The following DIP2C variants were observed in gnomAD, a reference collection of about 807,000 sequenced individuals.
DIP2C encodes disco-interacting protein 2 homolog C.
DIP2C carries 33 observed loss-of-function variants against 192.4 expected under a neutral mutation model. The ratio of observed to expected loss-of-function variants is 0.17; its 90% CI spans 0.13 to 0.23. The LOEUF is 0.23. DIP2C is among the 10% of genes least tolerant of loss of function. DIP2C has a pLI of 1.00. For synonymous variants in DIP2C, 979 were observed against 864.1 expected, an observed-to-expected ratio of 1.13 and a Z score of -2.33; for missense variants, 1,537 against 2,110.1, an observed-to-expected ratio of 0.73 and a Z score of 5.32.
intron 1 of DIP2C, among the ~76,000 whole-genome samples, chr10:543,172 G>C (rs549438233): frequency 6.6e-6 from 1 of 152,192 alleles, no homozygotes; most frequent in African/African-American, 2.4e-5. Context: ...CGCAAGGATC[G>C]TGTTCCTGAA....
chr10:374,246 C>T (rs1433018551), intron 17 of DIP2C, among the ~76,000 whole-genome samples: 2 of 152,116 alleles, frequency 1.3e-5, no homozygotes, highest in Admixed American at 1.3e-4. Context: ...CTGTAATATA[C>T]ATACCTAGAA....
At chr10:446,943 T>C (rs796232469) in intron 3 of DIP2C, among the ~76,000 whole-genome samples, 14 of 152,372 alleles carry the variant, frequency 9.2e-5, no homozygotes, top group African/African-American at 3.4e-4. Flanking sequence ...ACTCAACTGG[T>C]TGTGATATTC....
At chr10:461,272 A>G (rs1401599975) in intron 3 of DIP2C, among the ~76,000 whole-genome samples, 1 of 152,256 alleles carries the variant, frequency 6.6e-6, no homozygotes, top group African/African-American at 2.4e-5. Context: ...GATAGAGTCA[A>G]GACCCGTTGG....
intron 14 of DIP2C, among the ~76,000 whole-genome samples, chr10:385,194 G>T (rs181837432): frequency 6.6e-6 from 1 of 151,652 alleles, no homozygotes; most frequent in African/African-American, 2.4e-5. Flanking sequence ...CGGACACCGG[G>T]CTGCACAGGC....
At chr10:435,535 C>T (rs1254036509) in intron 4 of DIP2C, among the ~76,000 whole-genome samples, 2 of 152,202 alleles carry the variant, frequency 1.3e-5, no homozygotes, top group African/African-American at 4.8e-5. Flanking sequence ...TTTCCAATCC[C>T]AGCGGGGGTT....
intron 1 of DIP2C, among the ~76,000 whole-genome samples, chr10:602,568 C>A (rs1024426494): frequency 6.6e-6 from 1 of 152,170 alleles, no homozygotes; most frequent in African/African-American, 2.4e-5. Flanking sequence ...TGAGATGTTG[C>A]CGTCTGTGAG....
rs373352810 is a variant in DIP2C, at chr10:305,307, G to A, written c.3986+4724C>T. 2.0e-5 allele frequency among the ~76,000 whole-genome samples: 3 copies of A among 152,148 alleles called. No homozygotes were observed. In the South Asian group the frequency reaches 6.2e-4, roughly 32 times the overall value. On this transcript the variant is annotated intron_variant, in intron 32 of 36. Coordinates refer to ENST00000280886, the MANE Select transcript of DIP2C (RefSeq NM_014974.3). ...ACACACTTGCAAAACACACATGCAT[G>A]TATGCACAGCACACTCACACATGCA... is the stretch of plus-strand genomic sequence containing the variant.
intron 1 of DIP2C, among the ~76,000 whole-genome samples, chr10:509,052 G>A (rs555564000): frequency 2.0e-5 from 3 of 152,228 alleles, no homozygotes; most frequent in South Asian, 2.1e-4. Flanking sequence ...GTCCTGAACC[G>A]GCCTGTTCCA....
chr10:568,788 A>AAAAACAAAC (rs1564208321), intron 1 of DIP2C, among the ~76,000 whole-genome samples: 27 of 142,638 alleles, frequency 1.9e-4, no homozygotes, highest in East Asian at 6.0e-4. Context: ...AAAAAAAAAA[A>AAAAACAAAC]AAAAAAAAAA....
intron 3 of DIP2C, among the ~76,000 whole-genome samples, chr10:461,887 T>C (rs1969809665): frequency 6.6e-6 from 1 of 152,108 alleles, no homozygotes; most frequent in Non-Finnish European, 1.5e-5. Flanking sequence ...CACTCAAAAC[T>C]GCACAAATAC....
intron 1 of DIP2C, among the ~76,000 whole-genome samples, chr10:626,333 G>T (rs1411798793): frequency 6.6e-6 from 1 of 152,150 alleles, no homozygotes; most frequent in Non-Finnish European, 1.5e-5. Context: ...GGCTCCTGGG[G>T]ACAGAATCCT....
At chr10:427,726 A>G (rs1203087196) in intron 4 of DIP2C, among the ~76,000 whole-genome samples, 1 of 152,258 alleles carries the variant, frequency 6.6e-6, no homozygotes, top group Admixed American at 6.5e-5. Context: ...ATTTCACATC[A>G]ATTAGAATGG....
chr10:305,142 C>T (rs1193456459), intron 32 of DIP2C, among the ~76,000 whole-genome samples: 3 of 152,104 alleles, frequency 2.0e-5, no homozygotes, highest in Admixed American at 6.6e-5. Flanking sequence ...AGCATATATA[C>T]ACAACACACT....
At chr10:592,227 T>G (rs1018768076) in intron 1 of DIP2C, among the ~76,000 whole-genome samples, 1 of 152,210 alleles carries the variant, frequency 6.6e-6, no homozygotes, top group African/African-American at 2.4e-5. Context: ...GACTTCAGGT[T>G]CTGCTGTGTT....
At position 336,109 on chromosome 10, in the gene DIP2C, C is replaced by G. The variant is rs561073603; in HGVS notation, c.3584+5090G>C. Among the ~76,000 whole-genome samples the G allele has an allele frequency of 1.2e-4, 18 of 152,210 alleles. No homozygotes were observed. In the South Asian group the frequency reaches 3.5e-3, roughly 30 times the overall value. ...GTAGGCTAGGTGTGGTGGTTCATGCCTATAATTCCAACACTTTGGGAGGCT... is the reference window on the plus strand; with the variant it reads ...GTAGGCTAGGTGTGGTGGTTCATGCGTATAATTCCAACACTTTGGGAGGCT... On this transcript the variant is annotated intron_variant, in intron 29 of 36. Coordinates refer to ENST00000280886, the MANE Select transcript of DIP2C (RefSeq NM_014974.3).
intron 17 of DIP2C, among the ~76,000 whole-genome samples, chr10:370,371 T>C (rs983950054): frequency 4.6e-5 from 7 of 152,178 alleles, no homozygotes; most frequent in Admixed American, 3.9e-4. Context: ...TCTGTGCTGG[T>C]TCTCGCTGCT....
intron 1 of DIP2C, among the ~76,000 whole-genome samples, chr10:633,840 G>A (rs995866328): frequency 2.6e-5 from 4 of 152,330 alleles, no homozygotes; most frequent in South Asian, 2.1e-4. Flanking sequence ...ACCCCATAGC[G>A]GGGCCCCGGC....
intron 1 of DIP2C, among the ~76,000 whole-genome samples, chr10:587,564 G>C (rs370077601): frequency 6.6e-6 from 1 of 152,200 alleles, no homozygotes; most frequent in Admixed American, 6.5e-5. Flanking sequence ...ATAACAAGTC[G>C]CTTCAGCCCT....
chr10:664,149 C>T (rs182108124), intron 1 of DIP2C: 5 of 152,378 alleles, frequency 3.3e-5, no homozygotes, highest in Admixed American at 2.0e-4. Flanking sequence ...ATCCGTAGTG[C>T]CAAGGGGAAA....
Sources: gnomAD v4.1 joint callset for allele counts (sites outside exome capture counted in the v4.1 genomes callset) on GRCh38, gnomAD v4.1.1 for gene constraint, MANE v1.5 for transcripts, NCBI Gene and HGNC (gene_info 2026-07-23, HGNC 2026-07-21) for gene names.